Variants in TIMM17B observed in about 807,000 individuals in gnomAD.
TIMM17B encodes the protein mitochondrial import inner membrane translocase subunit Tim17-B.
Under a neutral mutation model 15.9 loss-of-function variants are expected in TIMM17B, and 10 were observed. That is an observed-to-expected ratio of 0.63 (90% CI 0.39 to 1.06). The LOEUF is 1.06. TIMM17B is among the 50% of genes least tolerant of loss of function. The probability of loss-of-function intolerance (pLI) is 0.01; values close to 1 mark genes in which losing one functional copy is unlikely to be tolerated. For missense variants in TIMM17B, 114 were observed against 152.2 expected (o/e 0.75, Z 1.32); for synonymous variants, 57 against 57.2 (o/e 1.00, Z 0.02).
At chrX:48,894,342 G>T (rs1341800800) in intron 4 of TIMM17B, 117 bp from the exon 4 acceptor site, 17 of 761,188 alleles carry the variant, frequency 2.2e-5, no homozygotes, top group Admixed American at 9.1e-5. Flanking sequence ...CAGACACAAA[G>T]GCAGATAGCA....
chrX:48,894,667 A>T (rs1249732437), intron 4 of TIMM17B, among the ~76,000 whole-genome samples: 1 of 111,752 alleles, frequency 8.9e-6, no homozygotes, highest in Non-Finnish European at 1.9e-5. Flanking sequence ...AACTTCTGCA[A>T]TTTTAAATTA....
chrX:48,895,776 C>T (rs1247303376), intron 3 of TIMM17B: 4 of 272,671 alleles, frequency 1.5e-5, no homozygotes, highest in African/African-American at 1.1e-4. Flanking sequence ...ATTCTCTCAA[C>T]TTCAAGGCTG....
exon 7 of TIMM17B, chrX:48,893,768 G>A (rs1220870292): frequency 3.4e-6 from 4 of 1,167,972 alleles, no homozygotes; most frequent in Non-Finnish European, 3.4e-6. Flanking sequence ...CTGGGGCCGG[G>A]GTGCCATCCT....
intron 2 of TIMM17B, chrX:48,897,327 C>G (rs782544467): frequency 5.0e-4 from 114 of 227,844 alleles, no homozygotes; most frequent in African/African-American, 2.7e-3. Flanking sequence ...ATCCACCGTC[C>G]CCGCCGGCCC....
chrX:48,896,784 A>G, exon 3 of TIMM17B: 1 of 1,210,792 alleles, frequency 8.3e-7, no homozygotes, highest in Non-Finnish European at 1.1e-6. Context: ...GAAACCCTTG[A>G]TGGCCTGGAA....
At chrX:48,894,568 T>C (rs1304405155) in intron 4 of TIMM17B, among the ~76,000 whole-genome samples, 3 of 111,902 alleles carry the variant, frequency 2.7e-5, no homozygotes, top group East Asian at 5.6e-4. Flanking sequence ...GAGAAGGAAA[T>C]AGGTTAGGAA....
At chrX:48,896,783 G>A (rs1171654971) in exon 3 of TIMM17B, 1 of 1,208,296 alleles carries the variant, frequency 8.3e-7, no homozygotes, top group Non-Finnish European at 1.1e-6. Context: ...GGAAACCCTT[G>A]ATGGCCTGGA....
At position 48,893,899 on chromosome X, in the gene TIMM17B, C is replaced by T; in HGVS notation, c.430+1G>A. ...CACTCCCCCGACCACCAGTTACTCA[C>T]CATTTCGGAACTGCTGGGCTGTGTA... On this transcript the variant is annotated splice_donor_variant, in intron 6 of 6. Coordinates refer to ENST00000376582, the Ensembl canonical transcript of TIMM17B. LOFTEE classifies it high-confidence loss of function. The T allele has an allele frequency of 8.3e-7, 1 of 1,205,821 alleles. No homozygotes were observed. Among genetic ancestry groups the T allele is most frequent in the Non-Finnish European group, 1.1e-6 (1 of 890,627 alleles).
At chrX:48,893,990 C>T (rs1557039101) in exon 6 of TIMM17B, 1 of 1,207,897 alleles carries the variant, frequency 8.3e-7, no homozygotes, top group Admixed American at 2.2e-5. Context: ...ATTGCTGAGC[C>T]CACCATGGCC....
In TIMM17B at chrX:48,897,559, A is replaced by G. The variant is rs781816709; in HGVS notation, c.26+165T>C. ...ACCTTCTCTGGTTGTGGCCCCTCAT[A>G]ACGGAGCCCGAATGACAGGAACCGA... On this transcript the variant is annotated intron_variant, in intron 2 of 6. Coordinates refer to ENST00000376582, the Ensembl canonical transcript of TIMM17B. The G allele has an allele frequency of 3.4e-5, 16 of 471,065 alleles. No homozygotes were observed. In the Admixed American group the frequency reaches 5.3e-4, roughly 15 times the overall value. 38.8% of individuals were successfully genotyped at this position (471,065 alleles called of 1,213,427 possible).
intron 4 of TIMM17B, 123 bp from the exon 4 acceptor site, chrX:48,894,348 T>C (rs924313245): frequency 5.6e-6 from 4 of 710,702 alleles, no homozygotes; most frequent in Non-Finnish European, 8.4e-6. Context: ...CAAAGGCAGA[T>C]AGCAAACCCA....
At chrX:48,894,179 G>A (rs2063296858) in exon 5 of TIMM17B, 1 of 1,207,876 alleles carries the variant, frequency 8.3e-7, no homozygotes. Context: ...GCCGCACCAG[G>A]CCACAGTCGA....
intron 2 of TIMM17B, 100 bp from the exon 2 acceptor site, chrX:48,896,958 G>A (rs1261312429): frequency 8.6e-7 from 1 of 1,156,903 alleles, no homozygotes; most frequent in East Asian, 3.2e-5. Flanking sequence ...CACCAGAATG[G>A]GAAGTTCCTA....
At chrX:48,896,583 T>C in intron 3 of TIMM17B, 176 bp downstream of exon 2, 3 of 995,699 alleles carry the variant, frequency 3.0e-6, no homozygotes, top group Non-Finnish European at 4.0e-6. Flanking sequence ...ACAGAGGCCA[T>C]GTTTGCAATC....
At chrX:48,897,912 T>C (rs2063331894) in intron 1 of TIMM17B, 144 bp from the exon 1 acceptor site, 1 of 912,352 alleles carries the variant, frequency 1.1e-6, no homozygotes, top group Non-Finnish European at 1.5e-6. Context: ...ATTTGTTCAT[T>C]GCCTCCTGAG....
intron 2 of TIMM17B, chrX:48,897,413 A>G: frequency 3.2e-6 from 1 of 311,966 alleles, no homozygotes; most frequent in Non-Finnish European, 5.6e-6. Context: ...AACTCTGGGG[A>G]TTTCCGGTCA....
chrX:48,897,295 A>T (rs782773356), intron 2 of TIMM17B: 108 of 216,845 alleles, frequency 5.0e-4, no homozygotes, highest in African/African-American at 2.6e-3. Flanking sequence ...ACTGGGAAAA[A>T]CCAAGAGCGA....
chrX:48,894,268 A>G (rs781839628), intron 4 of TIMM17B, 43 bp from the exon 4 acceptor site: 2 of 1,188,579 alleles, frequency 1.7e-6, no homozygotes, highest in South Asian at 1.8e-5. Flanking sequence ...GGAAATCCTG[A>G]GAATTCACAT....
intron 3 of TIMM17B, chrX:48,895,552 A>G: frequency 4.0e-6 from 2 of 502,991 alleles, no homozygotes; most frequent in Middle Eastern, 3.4e-4. Flanking sequence ...GGGGTCAGGA[A>G]AGGCCTCTTG....
Sources: gnomAD v4.1 joint callset for allele counts (sites outside exome capture counted in the v4.1 genomes callset) on GRCh38, gnomAD v4.1.1 for gene constraint, MANE v1.5 for transcripts, NCBI Gene and HGNC (gene_info 2026-07-23, HGNC 2026-07-21) for gene names.